NOMO3: variants seen among roughly 807,000 people sequenced by gnomAD.
The protein encoded by NOMO3 is BOS complex subunit NOMO3.
A neutral mutation model predicts 69.9 loss-of-function variants in NOMO3; 15 were observed. The ratio of observed to expected loss-of-function variants is 0.21; its 90% CI spans 0.14 to 0.33. The LOEUF (loss-of-function observed/expected upper bound fraction) is 0.33, where lower values mean the gene tolerates loss of function less well. NOMO3 is among the 10% of genes least tolerant of loss of function. The pLI is 1.00. For missense variants in NOMO3, 218 were observed against 761.0 expected (o/e 0.29, Z 8.39); for synonymous variants, 89 against 301.9 (o/e 0.29, Z 7.31).
At position 16,237,285 on chromosome 16, in the gene NOMO3, T is replaced by C. The variant is rs562652747; in HGVS notation, c.255+295T>C. Among the ~76,000 whole-genome samples the C allele has an allele frequency of 6.9e-5, 10 of 144,168 alleles. 1 individual carries two copies. Among genetic ancestry groups the C allele is most frequent in the African/African-American group, 1.1e-4 (4 of 35,942 alleles). The allele number at this position is 144,168 out of a possible 152,430, so 94.6% of individuals were successfully genotyped here. On this transcript the variant is annotated intron_variant, in intron 2 of 30. Coordinates refer to ENST00000399336, the MANE Select transcript of NOMO3 (RefSeq NM_001004067.4). ...AGTAGTGGCCAGGCGTGGAGCTAAA[T>C]GTGCTACAGTGCTGCCTACGACAGC...
chr16:16,260,341 T>A (rs2049552702), intron 11 of NOMO3, among the ~76,000 whole-genome samples: 1 of 141,744 alleles, frequency 7.1e-6, no homozygotes. Flanking sequence ...TTTTTTTTTT[T>A]AACTTTAACC....
rs1173202166 is a variant in NOMO3, at chr16:16,259,442, G to A, written c.1221-2060G>A. ...CGGCTCACTGCAGCCTCCGCCTCTC[G>A]GGTTCAAGTGATTCTCCTGCCCCAG... On this transcript the variant is annotated intron_variant, in intron 11 of 30. Coordinates refer to ENST00000399336, the MANE Select transcript of NOMO3 (RefSeq NM_001004067.4). 2.4e-4 allele frequency among the ~76,000 whole-genome samples: 34 copies of A among 139,256 alleles called. 6 individuals carry two copies. The highest frequency in any genetic ancestry group is 1.0e-3 in the African/African-American group (33 of 32,364). 91.4% of individuals were successfully genotyped at this position (139,256 alleles called of 152,430 possible).
chr16:16,267,769 G>A (rs1322901159), intron 16 of NOMO3, among the ~76,000 whole-genome samples: 1 of 141,756 alleles, frequency 7.1e-6, no homozygotes, highest in Non-Finnish European at 1.5e-5. Context: ...TTTGGAGGCA[G>A]AATTTGCATA....
intron 3 of NOMO3, among the ~76,000 whole-genome samples, chr16:16,240,225 G>A (rs1056087150): frequency 2.1e-5 from 3 of 144,494 alleles, no homozygotes; most frequent in Non-Finnish European, 4.4e-5. Flanking sequence ...TCCCAGGATG[G>A]CTTCTTTTTT....
intron 3 of NOMO3, among the ~76,000 whole-genome samples, chr16:16,241,371 A>G (rs1333035097): frequency 7.0e-6 from 1 of 142,950 alleles, no homozygotes; most frequent in Non-Finnish European, 1.5e-5. Flanking sequence ...ATTCTGATGC[A>G]TAAATATAAA....
At chr16:16,245,310 A>G (rs2049408411) in intron 5 of NOMO3, 136 bp downstream of exon 5, 18 of 1,460,068 alleles carry the variant, frequency 1.2e-5, no homozygotes, top group Non-Finnish European at 1.7e-5. Flanking sequence ...GGGTGAGTTC[A>G]TGCCCGTCAG....
intron 11 of NOMO3, among the ~76,000 whole-genome samples, chr16:16,259,594 G>A (rs1277731039): frequency 9.2e-6 from 1 of 108,396 alleles, no homozygotes; most frequent in Non-Finnish European, 1.7e-5. Context: ...GCTTCCCAAA[G>A]TGCTGGGATT....
At chr16:16,238,112 C>A (rs2141246184) in intron 2 of NOMO3, among the ~76,000 whole-genome samples, 1 of 136,066 alleles carries the variant, frequency 7.3e-6, no homozygotes, top group Non-Finnish European at 1.5e-5. Context: ...CAAATGAAAT[C>A]AAACAATAGG....
At chr16:16,235,897 C>T (rs2049322591) in intron 1 of NOMO3, 1 of 438,530 alleles carries the variant, frequency 2.3e-6, no homozygotes, top group African/African-American at 2.3e-5. Context: ...AAAGGAGTGG[C>T]TCTATGTCTG....
At chr16:16,267,563 T>A (rs2049629854) in intron 16 of NOMO3, among the ~76,000 whole-genome samples, 2 of 141,354 alleles carry the variant, frequency 1.4e-5, no homozygotes, top group Non-Finnish European at 3.0e-5. Flanking sequence ...GCCTCTCGAG[T>A]AGCTGGGATT....
chr16:16,260,034 TGACA>T (rs2049549776), intron 11 of NOMO3, among the ~76,000 whole-genome samples: 1 of 21,090 alleles, frequency 4.7e-5, no homozygotes, highest in Non-Finnish European at 8.1e-5. Context: ...CAAGAGAATA[TGACA>T]GGTCCTTGGG....
intron 1 of NOMO3, among the ~76,000 whole-genome samples, chr16:16,233,621 C>T (rs1367008227): frequency 2.5e-5 from 2 of 80,744 alleles, no homozygotes; most frequent in African/African-American, 1.1e-4. Context: ...GAGGTAGGGG[C>T]AGAATGTCAT....
chr16:16,241,404 CTTATA>C (rs2049372558), intron 3 of NOMO3, among the ~76,000 whole-genome samples: 1 of 138,134 alleles, frequency 7.2e-6, no homozygotes. Flanking sequence ...TTATAAAATA[CTTATA>C]TTTTATTTTA....
At chr16:16,269,351 C>T (rs2049643916) in intron 16 of NOMO3, among the ~76,000 whole-genome samples, 1 of 142,976 alleles carries the variant, frequency 7.0e-6, no homozygotes, top group Non-Finnish European at 1.5e-5. Context: ...CAGTACCTAG[C>T]ATAATACCTG....
chr16:16,263,494 T>C lies in NOMO3; in HGVS notation c.1538-19T>C. On this transcript the variant is annotated intron_variant, in intron 13 of 30. Transcript: ENST00000399336. ...CCTTATAAGGGGTCACATGGAGCCC[T>C]CCCTTCTTTTCCCTGCAGACACCTG... The C allele has an allele frequency of 8.4e-6, 9 of 1,077,050 alleles. No homozygotes were observed. Among genetic ancestry groups the C allele is most frequent in the Non-Finnish European group, 1.1e-5 (9 of 787,514 alleles). The allele number at this position is 1,077,050 out of a possible 1,614,324, so 66.7% of individuals were successfully genotyped here. A position where few individuals can be genotyped will look rare whatever the true frequency, so the allele number is the denominator to read the frequency against.
chr16:16,263,695 G>C, intron 14 of NOMO3, 51 bp downstream of exon 14: 1 of 489,144 alleles, frequency 2.0e-6, no homozygotes, highest in Non-Finnish European at 3.4e-6. Flanking sequence ...TCTTGTCTTT[G>C]TAAACTTTCT....
At position 16,258,943 on chromosome 16, in the gene NOMO3, G is replaced by A. The variant is rs1204735295; in HGVS notation, c.1221-2559G>A. On this transcript the variant is annotated intron_variant, in intron 11 of 30. Transcript: ENST00000399336. ...CTTTAAAAAGTTTGTTTTTCTTCCT[G>A]GCTGCTGTGTGGAGAATGGATTGGA... Among the ~76,000 whole-genome samples, 11 of 143,030 alleles carry A rather than the reference G, an allele frequency of 7.7e-5. 1 individual carries two copies. The highest frequency in any genetic ancestry group is 5.4e-4 in the Admixed American group (8 of 14,786). The allele number at this position is 143,030 out of a possible 152,430, so 93.8% of individuals were successfully genotyped here. A position where few individuals can be genotyped will look rare whatever the true frequency, so the allele number is the denominator to read the frequency against.
rs377671246 is a variant in NOMO3, at chr16:16,255,739, G to T, written c.983G>T (p.Gly328Val). The T allele has an allele frequency of 7.5e-6, 12 of 1,590,064 alleles. No homozygotes were observed. Among genetic ancestry groups the T allele is most frequent in the African/African-American group, 1.6e-5 (1 of 62,524 alleles). The change falls in exon 10 of 31, where the codon GGA (glycine) becomes GTA (valine). Residue 328 changes from glycine (G) to valine (V), a missense_variant. Physicochemically the swap from Gly to Val is moderately radical, Grantham distance 109 (BLOSUM62 -3). Coordinates refer to ENST00000399336, the MANE Select transcript of NOMO3 (RefSeq NM_001004067.4). Reference sequence around the variant, plus strand: ...TTCTAGCCCGTGTTCCACGTCATGGGATTCTCCGTCACCGGGAGGGTCTTG... The same window carrying T: ...TTCTAGCCCGTGTTCCACGTCATGGTATTCTCCGTCACCGGGAGGGTCTTG... ...LKIEPVFHVM[G>V]FSVTGRVLNG...
chr16:16,255,793 A>G lies in NOMO3; in HGVS notation c.1037A>G (p.Glu346Gly). ...GGACCCGAAGGAGATGGTGTTCCAGAAGCAGTAGTCACCCTGAATAACCAA... is the reference window on the plus strand; with the variant it reads ...GGACCCGAAGGAGATGGTGTTCCAGGAGCAGTAGTCACCCTGAATAACCAA... ...LNGPEGDGVP[E>G]AVVTLNNQIK... Residue 346 changes from glutamate to glycine, a missense_variant, in exon 10 of 31, where the codon GAA becomes GGA. Glu to Gly is a moderately conservative substitution (Grantham distance 98). Transcript: ENST00000399336. 6.4e-7 allele frequency: 1 copy of G among 1,569,162 alleles called. No individual in the cohort carries two copies. Among genetic ancestry groups the G allele is most frequent in the Non-Finnish European group, 8.6e-7 (1 of 1,167,456 alleles).
Sources: allele counts gnomAD v4.1 joint callset (sites outside exome capture counted in the v4.1 genomes callset), GRCh38; gene constraint gnomAD v4.1.1; transcripts MANE v1.5; gene names NCBI Gene and HGNC (gene_info 2026-07-23, HGNC 2026-07-21).